CDH13: variants seen among roughly 807,000 people sequenced by gnomAD.
The protein encoded by CDH13 is cadherin 13, also known as cadherin-13.
Under a neutral mutation model 63.8 loss-of-function variants are expected in CDH13, and 24 were observed. The observed-to-expected ratio is 0.38, with a 90% confidence interval of 0.27 to 0.53. CDH13 has a LOEUF of 0.53. Ranked by LOEUF, CDH13 falls within the 20% of genes least tolerant of loss-of-function variation. CDH13 has a pLI of 0.85. For missense variants in CDH13, 1,049 were observed against 903.1 expected (o/e 1.16, Z -2.07); for synonymous variants, 503 against 355.3 (o/e 1.42, Z -4.67).
intron 5 of CDH13, among the ~76,000 whole-genome samples, chr16:83,266,997 C>G (rs1183076221): frequency 6.6e-6 from 1 of 152,148 alleles, no homozygotes; most frequent in East Asian, 1.9e-4. Flanking sequence ...TGTTGTTGCC[C>G]CAGATCTCAT....
chr16:82,721,795 G>A (rs988697404), intron 1 of CDH13, among the ~76,000 whole-genome samples: 2 of 152,114 alleles, frequency 1.3e-5, no homozygotes, highest in Non-Finnish European at 2.9e-5. Flanking sequence ...CTAAGTTTTG[G>A]GGTCAGTCTG....
intron 8 of CDH13, among the ~76,000 whole-genome samples, chr16:83,647,578 G>A (rs1366621111): frequency 6.6e-6 from 1 of 152,156 alleles, no homozygotes; most frequent in Non-Finnish European, 1.5e-5. Context: ...CTGGGCTTCT[G>A]CAAAACCTGA....
At chr16:83,156,807 C>T (rs1460480589) in intron 4 of CDH13, among the ~76,000 whole-genome samples, 3 of 152,144 alleles carry the variant, frequency 2.0e-5, no homozygotes, top group African/African-American at 7.2e-5. Context: ...TTTTTATGGC[C>T]ATAATATATT....
At chr16:82,691,278 C>T (rs114051566) in intron 1 of CDH13, among the ~76,000 whole-genome samples, 4 of 152,204 alleles carry the variant, frequency 2.6e-5, no homozygotes, top group African/African-American at 9.6e-5. Flanking sequence ...GTCAGTCTCC[C>T]TATATGCCAA....
At chr16:83,137,238 A>C (rs2036330293) in intron 4 of CDH13, among the ~76,000 whole-genome samples, 1 of 152,206 alleles carries the variant, frequency 6.6e-6, no homozygotes, top group South Asian at 2.1e-4. Context: ...AACTTGTCCA[A>C]CTTCATGCAG....
intron 1 of CDH13, 60 bp downstream of exon 1, chr16:82,627,197 G>A (rs1907385721): frequency 6.8e-7 from 1 of 1,471,746 alleles, no homozygotes; most frequent in Non-Finnish European, 9.4e-7. Flanking sequence ...GGATCGCCCG[G>A]CACGGGCAGG....
intron 1 of CDH13, among the ~76,000 whole-genome samples, chr16:82,845,594 G>T (rs2039221043): frequency 1.3e-5 from 2 of 152,086 alleles, no homozygotes. Context: ...AGGTTTCTTG[G>T]TGTAGACCAG....
chr16:83,436,890 C>T (rs1454309739), intron 6 of CDH13, among the ~76,000 whole-genome samples: 2 of 152,000 alleles, frequency 1.3e-5, no homozygotes, highest in South Asian at 2.1e-4. Context: ...ATAAACAGGC[C>T]TAAAATAGTT....
chr16:83,709,779 T>A (rs1344049847), intron 10 of CDH13, among the ~76,000 whole-genome samples: 4 of 152,246 alleles, frequency 2.6e-5, no homozygotes, highest in African/African-American at 9.6e-5. Context: ...TGTAATAGGG[T>A]CTGAGTATTC....
At chr16:82,980,412 C>T (rs1026055981) in intron 2 of CDH13, among the ~76,000 whole-genome samples, 2 of 152,178 alleles carry the variant, frequency 1.3e-5, no homozygotes, top group Middle Eastern at 3.2e-3. Flanking sequence ...CAGAAGCTAT[C>T]CAGCCTGGTT....
intron 1 of CDH13, among the ~76,000 whole-genome samples, chr16:82,690,754 A>G (rs1376116878): frequency 6.6e-6 from 1 of 152,242 alleles, no homozygotes; most frequent in Admixed American, 6.5e-5. Flanking sequence ...ATGTGTGCAC[A>G]TGCAGCACAC....
chr16:82,984,496 G>T (rs1385335771), intron 2 of CDH13, among the ~76,000 whole-genome samples: 1 of 152,158 alleles, frequency 6.6e-6, no homozygotes, highest in Non-Finnish European at 1.5e-5. Context: ...AATAAGGATG[G>T]TAATGACACC....
chr16:82,653,139 A>T (rs1910920419), intron 1 of CDH13, among the ~76,000 whole-genome samples: 1 of 152,102 alleles, frequency 6.6e-6, no homozygotes. Context: ...TTTACCTTTG[A>T]TAGATACTTA....
At chr16:82,940,052 G>A (rs1366691975) in intron 2 of CDH13, among the ~76,000 whole-genome samples, 1 of 152,114 alleles carries the variant, frequency 6.6e-6, no homozygotes, top group African/African-American at 2.4e-5. Context: ...CAGATTTCAT[G>A]AGACTTATTC....
intron 1 of CDH13, among the ~76,000 whole-genome samples, chr16:82,763,311 C>T (rs1219233015): frequency 6.6e-6 from 1 of 152,226 alleles, no homozygotes; most frequent in Non-Finnish European, 1.5e-5. Context: ...CTTCACAGCA[C>T]TTATTTCCTG....
Position 83,552,337 on chromosome 16 carries a change from A to T in CDH13, c.961-50117A>T, listed in dbSNP as rs151193097. Among the ~76,000 whole-genome samples, 5 of 152,344 alleles carry T rather than the reference A, an allele frequency of 3.3e-5. No individual in the cohort carries two copies. The East Asian group carries it at 9.6e-4, about 29-fold the overall frequency. On this transcript the variant is annotated intron_variant, in intron 7 of 13. Transcript: ENST00000567109. ...TTATGTCTAAAGCCATTATCTTACCAGGAAATGACTAAGACATATGGGAAA... is the reference window on the plus strand; with the variant it reads ...TTATGTCTAAAGCCATTATCTTACCTGGAAATGACTAAGACATATGGGAAA...
intron 4 of CDH13, among the ~76,000 whole-genome samples, chr16:83,201,272 G>A (rs2039021609): frequency 6.6e-6 from 1 of 152,108 alleles, no homozygotes; most frequent in Admixed American, 6.6e-5. Flanking sequence ...GAAAATTCCT[G>A]CTAGCACAGT....
At chr16:82,752,267 A>AT (rs1165781472) in intron 1 of CDH13, among the ~76,000 whole-genome samples, 1 of 152,176 alleles carries the variant, frequency 6.6e-6, no homozygotes, top group African/African-American at 2.4e-5. Flanking sequence ...CTAATAGTGG[A>AT]TTTCTCCGGA....
intron 1 of CDH13, among the ~76,000 whole-genome samples, chr16:82,780,100 G>A (rs2035682505): frequency 6.6e-6 from 1 of 152,222 alleles, no homozygotes; most frequent in East Asian, 1.9e-4. Context: ...ATCAAGCAAC[G>A]GTGTCTGCAA....
Sources: allele counts gnomAD v4.1 joint callset (sites outside exome capture counted in the v4.1 genomes callset), GRCh38; gene constraint gnomAD v4.1.1; transcripts MANE v1.5; gene names NCBI Gene and HGNC (gene_info 2026-07-23, HGNC 2026-07-21).